The following CDC5L variants were observed in gnomAD, a reference collection of about 807,000 sequenced individuals.
CDC5L encodes cell division cycle 5 like, also known as cell division cycle 5-like protein.
Under a neutral mutation model 104.1 loss-of-function variants are expected in CDC5L, and 18 were observed. That is an observed-to-expected ratio of 0.17 (90% CI 0.12 to 0.26). The LOEUF (loss-of-function observed/expected upper bound fraction) is 0.26. Among genes scored for constraint, CDC5L ranks in the 10% least tolerant of loss-of-function variants. The pLI is 1.00. For synonymous variants in CDC5L, 331 were observed against 322.7 expected, an observed-to-expected ratio of 1.03 and a Z score of -0.28; for missense variants, 673 against 956.9, an observed-to-expected ratio of 0.70 and a Z score of 3.91.
intron 5 of CDC5L, among the ~76,000 whole-genome samples, chr6:44,402,340 T>G (rs893342718): frequency 4.6e-5 from 7 of 152,216 alleles, no homozygotes; most frequent in Non-Finnish European, 8.8e-5. Flanking sequence ...TTTTAATGAT[T>G]TAAATATTAT....
At chr6:44,407,686 T>A (rs897874157) in intron 7 of CDC5L, among the ~76,000 whole-genome samples, 1 of 152,184 alleles carries the variant, frequency 6.6e-6, no homozygotes, top group African/African-American at 2.4e-5. Flanking sequence ...TGGACAGATT[T>A]AATGGTGCAG....
chr6:44,434,832 T>A (rs1339157675), intron 14 of CDC5L, among the ~76,000 whole-genome samples: 2 of 152,214 alleles, frequency 1.3e-5, no homozygotes, highest in East Asian at 3.8e-4. Flanking sequence ...CCTTTTGTAA[T>A]GACCCGAGGA....
rs1793525988 is a variant in CDC5L, at chr6:44,448,320, TG to T, written c.*1611del. Reference sequence around the variant, plus strand: ...ATAAATAAGGCTATAATAAGGAATTTGGATCTTACTTTAAATATGATAAGAA... The same window carrying T: ...ATAAATAAGGCTATAATAAGGAATTTGATCTTACTTTAAATATGATAAGAA... On this transcript the variant is annotated 3_prime_UTR_variant, in exon 16 of 16. Coordinates refer to ENST00000371477, the MANE Select transcript of CDC5L (RefSeq NM_001253.4). The T allele has an allele frequency of 6.6e-6, 1 of 152,236 alleles. No individual in the cohort carries two copies. Among genetic ancestry groups the T allele is most frequent in the East Asian group, 1.9e-4 (1 of 5,200 alleles). The allele number at this position is 152,236 out of a possible 1,614,324, so 9.4% of individuals were successfully genotyped here. A position where few individuals can be genotyped will look rare whatever the true frequency, so the allele number is the denominator to read the frequency against.
chr6:44,410,947 G>GTTTTTAAT (rs1400168221), intron 8 of CDC5L, among the ~76,000 whole-genome samples: 1 of 148,920 alleles, frequency 6.7e-6, no homozygotes, highest in Non-Finnish European at 1.5e-5. Flanking sequence ...TCTTTATTCA[G>GTTTTTAAT]TTTTTAATTT....
At chr6:44,418,381 T>G (rs1249876567) in intron 8 of CDC5L, among the ~76,000 whole-genome samples, 1 of 152,226 alleles carries the variant, frequency 6.6e-6, no homozygotes, top group East Asian at 1.9e-4. Context: ...TACATTTTCT[T>G]AATCCAGTCT....
chr6:44,415,860 T>C (rs1386134799), intron 8 of CDC5L, among the ~76,000 whole-genome samples: 1 of 152,112 alleles, frequency 6.6e-6, no homozygotes. Flanking sequence ...AAAATAAATG[T>C]CTACTAATGA....
chr6:44,395,383 A>G (rs1423633033), intron 4 of CDC5L, among the ~76,000 whole-genome samples: 1 of 152,236 alleles, frequency 6.6e-6, no homozygotes, highest in Non-Finnish European at 1.5e-5. Flanking sequence ...ATGATGTATC[A>G]GTTAACAGAA....
Position 44,419,534 on chromosome 6 carries a change from C to T in CDC5L, c.1178C>T (p.Ser393Leu). The change falls in exon 9 of 16, where the codon TCA becomes TTA. Residue 393 changes from serine to leucine, a missense_variant. By Grantham distance (145) the Ser-to-Leu change is moderately radical (BLOSUM62 -2). Coordinates refer to ENST00000371477, the MANE Select transcript of CDC5L (RefSeq NM_001253.4). ...LNTPLHESDF[S>L]GVTPQRQVVQ... ...ACCCCATTGCATGAGAGTGACTTCTCAGGTGTAACTCCACAGCGACAAGTT... is the reference window on the plus strand; with the variant it reads ...ACCCCATTGCATGAGAGTGACTTCTTAGGTGTAACTCCACAGCGACAAGTT... The T allele has an allele frequency of 6.2e-7, 1 of 1,613,408 alleles. No individual in the cohort carries two copies. Among genetic ancestry groups the T allele is most frequent in the South Asian group, 1.1e-5 (1 of 91,062 alleles).
intron 14 of CDC5L, among the ~76,000 whole-genome samples, chr6:44,441,804 G>A (rs539850591): frequency 3.7e-4 from 57 of 152,004 alleles, no homozygotes; most frequent in African/African-American, 1.3e-3. Context: ...TTTAAAAATA[G>A]GGTTACTTGT....
Position 44,392,815 on chromosome 6 carries a change from T to C in CDC5L, c.298T>C (p.Tyr100His), listed in dbSNP as rs762877684. The part of the protein sequence containing the change: ...GRTAAQCLEH[Y>H]EFLLDKAAQR... ...AACAGCGGCCCAGTGCTTAGAACACTATGAATTTCTTCTGTAAGTGAGTCT... is the reference window on the plus strand; with the variant it reads ...AACAGCGGCCCAGTGCTTAGAACACCATGAATTTCTTCTGTAAGTGAGTCT... Residue 100 changes from tyrosine (Y) to histidine (H), a missense_variant, in exon 3 of 16, where the codon TAT (tyrosine) becomes CAT (histidine). Around this residue, in one of 4 missense-constraint regions of CDC5L, gnomAD observed 74 missense variants for 123.5 expected, o/e 0.60. Coordinates refer to ENST00000371477, the MANE Select transcript of CDC5L (RefSeq NM_001253.4). The C allele has an allele frequency of 6.2e-7, 1 of 1,613,408 alleles. No homozygotes were observed. Among genetic ancestry groups the C allele is most frequent in the Non-Finnish European group, 8.5e-7 (1 of 1,179,494 alleles).
intron 8 of CDC5L, among the ~76,000 whole-genome samples, chr6:44,412,408 T>G (rs545549750): frequency 4.6e-5 from 7 of 151,692 alleles, no homozygotes; most frequent in Admixed American, 4.6e-4. Flanking sequence ...TTACTTTTAG[T>G]AGAGACAGGG....
chr6:44,407,312 A>G lies in CDC5L; in HGVS notation c.903+845A>G, dbSNP rs142929001. On this transcript the variant is annotated intron_variant, in intron 7 of 15. Coordinates refer to ENST00000371477, the MANE Select transcript of CDC5L (RefSeq NM_001253.4). ...TGACTTACTATAGTTGGTCAGAAAC[A>G]TGGGACCTTAGGGTAACCTTTTTTT... Among the ~76,000 whole-genome samples, 110 of 150,630 alleles carry G rather than the reference A, an allele frequency of 7.3e-4. 1 individual carries two copies. The East Asian group carries it at 0.019, about 26-fold the overall frequency.
chr6:44,388,383 G>C (rs1352484938), intron 1 of CDC5L, among the ~76,000 whole-genome samples: 2 of 152,064 alleles, frequency 1.3e-5, no homozygotes, highest in East Asian at 1.9e-4. Flanking sequence ...CTGGTTATCT[G>C]TTATCAGGGC....
intron 13 of CDC5L, among the ~76,000 whole-genome samples, chr6:44,427,409 C>T (rs1283266219): frequency 6.6e-6 from 1 of 152,150 alleles, no homozygotes; most frequent in East Asian, 1.9e-4. Flanking sequence ...CTTTAGCCTT[C>T]AGCCCTGAGG....
chr6:44,438,847 A>G (rs1452368856), intron 14 of CDC5L, among the ~76,000 whole-genome samples: 4 of 151,604 alleles, frequency 2.6e-5, no homozygotes, highest in Non-Finnish European at 5.9e-5. Context: ...TGTATACCTT[A>G]TTTTTATAAT....
In CDC5L at chr6:44,426,673, C is replaced by T; in HGVS notation, c.1842C>T (p.Thr614=). 1.2e-6 allele frequency: 2 copies of T among 1,612,496 alleles called. No individual in the cohort carries two copies. The highest frequency in any genetic ancestry group is 1.7e-6 in the Non-Finnish European group (2 of 1,178,820). The part of the protein sequence containing the change: ...GFGTNNSEHI[T]YLEHNPYEKF... ...GTACCAATAATTCAGAGCACATTAC[C>T]TATCTGGAACATAATCCTTATGAAA... Residue 614 remains threonine (T), a synonymous_variant, in exon 13 of 16, where the codon ACC becomes ACT. Transcript: ENST00000371477.
At chr6:44,418,888 C>CTGGGTATTAGCTCTTTGTCAGA (rs1304140964) in intron 8 of CDC5L, among the ~76,000 whole-genome samples, 118 of 124,194 alleles carry the variant, frequency 9.5e-4, no homozygotes, top group Non-Finnish European at 1.6e-3. Flanking sequence ...ATTGTAGATT[C>CTGGGTATTAGCTCTTTGTCAGA]TGGGTATTAG....
At chr6:44,406,840 G>A (rs1791387186) in intron 7 of CDC5L, among the ~76,000 whole-genome samples, 2 of 152,244 alleles carry the variant, frequency 1.3e-5, no homozygotes, top group South Asian at 4.2e-4. Flanking sequence ...TGGAACCCGG[G>A]AGGTGGAGGT....
At chr6:44,400,530 G>C (rs1791072765) in intron 5 of CDC5L, among the ~76,000 whole-genome samples, 1 of 152,138 alleles carries the variant, frequency 6.6e-6, no homozygotes, top group Non-Finnish European at 1.5e-5. Context: ...TGGGATTACA[G>C]GCACTGTCTA....
Sources: gnomAD v4.1 joint callset for allele counts (sites outside exome capture counted in the v4.1 genomes callset) on GRCh38, gnomAD v4.1.1 for gene constraint, gnomAD v4.1.1 regional missense constraint, MANE v1.5 for transcripts, NCBI Gene and HGNC (gene_info 2026-07-23, HGNC 2026-07-21) for gene names.